Variants in IQSEC1 observed in about 807,000 individuals in gnomAD.
The protein encoded by IQSEC1 is IQ motif and SEC7 domain-containing protein 1.
A neutral mutation model predicts 91.0 loss-of-function variants in IQSEC1; 31 were observed. The ratio of observed to expected loss-of-function variants is 0.34; its 90% confidence interval spans 0.26 to 0.46. IQSEC1 has a LOEUF of 0.46. Ranked by LOEUF, IQSEC1 falls within the 20% of genes least tolerant of loss-of-function variation. IQSEC1 has a pLI of 1.00. For missense variants in IQSEC1, 1,388 were observed against 1,575.6 expected, an observed-to-expected ratio of 0.88 and a Z score of 2.02; for synonymous variants, 699 against 662.6, an observed-to-expected ratio of 1.05 and a Z score of -0.84.
Position 12,898,121 on chromosome 3 carries a change from G to A in IQSEC1, c.*2862C>T, listed in dbSNP as rs1183239587. The A allele has an allele frequency of 6.6e-6, 1 of 152,244 alleles. No individual in the cohort carries two copies. The highest frequency in any genetic ancestry group is 1.5e-5 in the Non-Finnish European group (1 of 68,064). 9.4% of individuals were successfully genotyped at this position (152,244 alleles called of 1,614,324 possible). A position where few individuals can be genotyped will look rare whatever the true frequency, so the allele number is the denominator to read the frequency against. On this transcript the variant is annotated 3_prime_UTR_variant, in exon 14 of 14. Transcript: ENST00000613206. ...GAAGGGACCAGGCAGACATCCTGGG[G>A]CCCTCGGCCTCCTCCTGCCTCCCCT...
At chr3:13,134,456 G>C (rs1706674682) in intron 2 of IQSEC1, among the ~76,000 whole-genome samples, 1 of 152,244 alleles carries the variant, frequency 6.6e-6, no homozygotes, top group African/African-American at 2.4e-5. Context: ...GGGCGTCCTG[G>C]AGCAGCCCAT....
chr3:13,237,427 C>T (rs60028090), intron 1 of IQSEC1, among the ~76,000 whole-genome samples: 5,221 of 152,300 alleles, frequency 0.034, 268 homozygotes, highest in African/African-American at 0.11. Context: ...CTGAAGGTTT[C>T]TTCCAGTGAT....
chr3:12,910,769 CTG>C (rs1695485012), intron 10 of IQSEC1, among the ~76,000 whole-genome samples: 1 of 152,238 alleles, frequency 6.6e-6, no homozygotes, highest in Admixed American at 6.5e-5. Context: ...GTCCCTGACA[CTG>C]TTCTAATCCG....
chr3:12,931,806 G>A (rs1697701987), intron 3 of IQSEC1, among the ~76,000 whole-genome samples: 1 of 152,190 alleles, frequency 6.6e-6, no homozygotes. Flanking sequence ...GTGTAGGGGA[G>A]GCCAGGTCCA....
In IQSEC1 at chr3:13,227,205, G is replaced by A. The variant is rs144123977; in HGVS notation, c.272+55506C>T. Among the ~76,000 whole-genome samples, 1,216 of 151,856 alleles carry A rather than the reference G, an allele frequency of 8.0e-3. 17 individuals are homozygous for A. The highest frequency in any genetic ancestry group is 0.027 in the African/African-American group (1,128 of 41,404). On this transcript the variant is annotated intron_variant, in intron 1 of 15. Coordinates refer to the IQSEC1 transcript ENST00000648114. ...AACCTGGCCAACCTGGTGAAACCCC[G>A]TCTCTACTAAAAATACAAAAATTAG...
At chr3:13,127,324 G>T (rs1458102191) in intron 2 of IQSEC1, among the ~76,000 whole-genome samples, 1 of 152,084 alleles carries the variant, frequency 6.6e-6, no homozygotes, top group African/African-American at 2.4e-5. Flanking sequence ...TGAGGCAGGA[G>T]AATCGCTTGA....
chr3:12,910,022 G>A (rs1695411919), intron 10 of IQSEC1, among the ~76,000 whole-genome samples: 1 of 152,196 alleles, frequency 6.6e-6, no homozygotes, highest in South Asian at 2.1e-4. Context: ...TGGGCCTGTG[G>A]GCAGCTGCAG....
chr3:13,177,028 G>C (rs1693744015), intron 1 of IQSEC1, among the ~76,000 whole-genome samples: 1 of 152,220 alleles, frequency 6.6e-6, no homozygotes, highest in Non-Finnish European at 1.5e-5. Context: ...CAGTGGATTA[G>C]TGGATGTCAG....
intron 4 of IQSEC1, among the ~76,000 whole-genome samples, chr3:12,923,710 C>G (rs955352795): frequency 1.3e-5 from 2 of 152,212 alleles, no homozygotes; most frequent in African/African-American, 2.4e-5. Context: ...AGATGGCAGG[C>G]GTACTGGCCA....
chr3:12,927,490 G>A (rs1003118146), intron 3 of IQSEC1, among the ~76,000 whole-genome samples: 4 of 146,194 alleles, frequency 2.7e-5, no homozygotes, highest in Non-Finnish European at 5.9e-5. Context: ...GTCCCTCCAG[G>A]CCACCGCTGC....
chr3:13,093,781 C>T (rs1287884408), intron 2 of IQSEC1, among the ~76,000 whole-genome samples: 1 of 152,160 alleles, frequency 6.6e-6, no homozygotes, highest in African/African-American at 2.4e-5. Flanking sequence ...CCCTGAACCT[C>T]CTCCCCACTG....
chr3:13,167,465 G>C (rs1286039746), intron 1 of IQSEC1, among the ~76,000 whole-genome samples: 1 of 152,184 alleles, frequency 6.6e-6, no homozygotes, highest in African/African-American at 2.4e-5. Flanking sequence ...GAAGCAGCTG[G>C]GAGTGGCTGA....
chr3:12,897,502 C>G lies in IQSEC1; in HGVS notation c.*3481G>C, dbSNP rs559685887. 1 of 152,352 alleles carries G rather than the reference C, an allele frequency of 6.6e-6. No individual in the cohort carries two copies. The highest frequency in any genetic ancestry group is 1.9e-4 in the East Asian group (1 of 5,194). The allele number at this position is 152,352 out of a possible 1,614,324, so 9.4% of individuals were successfully genotyped here. ...CATGCTGTGTGCAGTCTCGATGTGA[C>G]TGCACACAGAAGGGCGATGCAGATG... is the stretch of plus-strand genomic sequence containing the variant. On this transcript the variant is annotated 3_prime_UTR_variant, in exon 14 of 14. Coordinates refer to ENST00000613206, the MANE Select transcript of IQSEC1 (RefSeq NM_001134382.3).
Position 12,900,486 on chromosome 3 carries a change from TATATA to T in IQSEC1, c.*492_*496del, listed in dbSNP as rs1035714169. The T allele has an allele frequency of 3.9e-6, 3 of 759,592 alleles. No homozygotes were observed. Among genetic ancestry groups the T allele is most frequent in the African/African-American group, 3.8e-5 (2 of 52,382 alleles). The allele number at this position is 759,592 out of a possible 1,614,324, so 47.1% of individuals were successfully genotyped here. On this transcript the variant is annotated 3_prime_UTR_variant, in exon 14 of 14. Transcript: ENST00000613206. ...ATATATATTTATATATTTATATATT[TATATA>T]AAGTTTACTTACGTATTTTCATCAA...
intron 1 of IQSEC1, among the ~76,000 whole-genome samples, chr3:13,036,134 C>G (rs573178347): frequency 1.3e-5 from 2 of 152,208 alleles, no homozygotes; most frequent in Non-Finnish European, 2.9e-5. Context: ...TTTTAAACCA[C>G]TAAGTTTTGG....
intron 1 of IQSEC1, among the ~76,000 whole-genome samples, chr3:13,167,783 G>A (rs1446152915): frequency 2.6e-5 from 4 of 152,204 alleles, no homozygotes; most frequent in Admixed American, 2.0e-4. Flanking sequence ...TGCCCCCTTC[G>A]CCATGTGTGC....
At chr3:13,122,430 G>A (rs964877181) in intron 2 of IQSEC1, among the ~76,000 whole-genome samples, 2 of 152,140 alleles carry the variant, frequency 1.3e-5, no homozygotes, top group African/African-American at 4.8e-5. Flanking sequence ...CATGGACGCA[G>A]TTGGGTTTTA....
intron 2 of IQSEC1, among the ~76,000 whole-genome samples, chr3:13,098,461 C>T (rs537229161): frequency 7.8e-4 from 118 of 152,042 alleles, no homozygotes; most frequent in African/African-American, 2.5e-3. Context: ...AGAAAGGGAA[C>T]GGTCTACAAA....
intron 1 of IQSEC1, among the ~76,000 whole-genome samples, chr3:12,944,447 A>G (rs1699034750): frequency 1.3e-5 from 2 of 152,290 alleles, no homozygotes; most frequent in African/African-American, 4.8e-5. Context: ...CGGGAAGCCC[A>G]TCCCACACTG....
Sources: allele counts gnomAD v4.1 joint callset (sites outside exome capture counted in the v4.1 genomes callset), GRCh38; gene constraint gnomAD v4.1.1; transcripts MANE v1.5; gene names NCBI Gene and HGNC (gene_info 2026-07-23, HGNC 2026-07-21).